Variants in ZNF410 observed in about 807,000 individuals in gnomAD.
The protein encoded by ZNF410 is another partner for ARF 1.
Under a neutral mutation model 54.8 loss-of-function variants are expected in ZNF410, and 18 were observed. The observed-to-expected ratio is 0.33, with a 90% CI of 0.23 to 0.49. The LOEUF (loss-of-function observed/expected upper bound fraction) is 0.49, where lower values mean the gene tolerates loss of function less well. Ranked by LOEUF, ZNF410 falls within the 20% of genes least tolerant of loss-of-function variation. ZNF410 has a pLI of 0.99. For missense variants in ZNF410, 405 were observed against 569.6 expected, an observed-to-expected ratio of 0.71 and a Z score of 2.94; for synonymous variants, 191 against 207.3, an observed-to-expected ratio of 0.92 and a Z score of 0.68.
intron 11 of ZNF410, chr14:73,927,271 G>C: frequency 5.3e-6 from 1 of 189,488 alleles, no homozygotes; most frequent in Non-Finnish European, 1.2e-5. Context: ...TAGAGACGGG[G>C]TTTCACCATG....
At chr14:73,926,873 AT>A (rs1325800117) in intron 11 of ZNF410, among the ~76,000 whole-genome samples, 4 of 152,028 alleles carry the variant, frequency 2.6e-5, no homozygotes, top group Non-Finnish European at 2.9e-5. Context: ...ATTAGATTCA[AT>A]TTTTCCCCCT....
intron 5 of ZNF410, among the ~76,000 whole-genome samples, chr14:73,900,195 C>CAA (rs60950253): frequency 1.6e-5 from 2 of 125,666 alleles, no homozygotes; most frequent in African/African-American, 5.7e-5. Flanking sequence ...CTTGGTCTCC[C>CAA]AAAAAAAAAA....
In ZNF410 at chr14:73,903,746, C is replaced by G. The variant is rs576900340; in HGVS notation, c.581-214C>G. On this transcript the variant is annotated intron_variant, in intron 5 of 11. Transcript: ENST00000555044. Reference sequence around the variant, plus strand: ...GAACACCTGGGCTCAAGCAGTCCTCCCACCTTGGCTTCCCAAAGTGCTTGG... The same window carrying G: ...GAACACCTGGGCTCAAGCAGTCCTCGCACCTTGGCTTCCCAAAGTGCTTGG... 25 of 576,032 alleles carry G rather than the reference C, an allele frequency of 4.3e-5. No individual in the cohort carries two copies. The East Asian group carries it at 7.4e-4, about 17-fold the overall frequency. The allele number at this position is 576,032 out of a possible 1,614,324, so 35.7% of individuals were successfully genotyped here.
rs1340318705 is a variant in ZNF410 at position 73,886,880 on chromosome 14, C to A, written c.-185C>A. 3 of 152,866 alleles carry A rather than the reference C, an allele frequency of 2.0e-5. No homozygotes were observed. Among genetic ancestry groups the A allele is most frequent in the Non-Finnish European group, 2.9e-5 (2 of 68,200 alleles). 9.5% of individuals were successfully genotyped at this position (152,866 alleles called of 1,614,324 possible). ...CGCTGTGTGTGGACGGAATTCGGGA[C>A]CGACTGACGGCCGGCCGGCTTCCCG... is the stretch of plus-strand genomic sequence containing the variant. On this transcript the variant is annotated 5_prime_UTR_variant, in exon 1 of 12. Coordinates refer to ENST00000555044, the MANE Select transcript of ZNF410 (RefSeq NM_021188.3).
intron 5 of ZNF410, chr14:73,902,363 G>A (rs2055421839): frequency 6.6e-6 from 1 of 152,124 alleles, no homozygotes; most frequent in African/African-American, 2.4e-5. Context: ...GTGAGCCACT[G>A]CGCCTGGCCC....
chr14:73,905,964 C>CACAT lies in ZNF410; in HGVS notation c.913+884_913+885insTACA, dbSNP rs1566657584. 7.0e-5 allele frequency among the ~76,000 whole-genome samples: 7 copies of CACAT among 100,636 alleles called. 1 individual carries two copies. The highest frequency in any genetic ancestry group is 3.1e-4 in the African/African-American group (7 of 22,866). The allele number at this position is 100,636 out of a possible 152,430, so 66.0% of individuals were successfully genotyped here. ...ATATATACACACACACACACACACA[C>CACAT]ACACATATATATATATATATATATA... On this transcript the variant is annotated intron_variant, in intron 7 of 11. Transcript: ENST00000555044.
chr14:73,896,617 A>G, intron 4 of ZNF410, 83 bp downstream of exon 4: 1 of 1,060,836 alleles, frequency 9.4e-7, no homozygotes, highest in Middle Eastern at 3.0e-4. Context: ...TCATACTTAA[A>G]ATAGAAAGAA....
chr14:73,920,053 C>T (rs1286419041), intron 8 of ZNF410: 1 of 151,960 alleles, frequency 6.6e-6, no homozygotes, highest in Non-Finnish European at 1.5e-5. Flanking sequence ...CATTTTGCTG[C>T]TGTAATTTTG....
chr14:73,889,748 T>C (rs991776742), intron 1 of ZNF410, among the ~76,000 whole-genome samples: 4 of 151,712 alleles, frequency 2.6e-5, no homozygotes, highest in Non-Finnish European at 5.9e-5. Flanking sequence ...ATACTTTATG[T>C]GGGAAACTTG....
chr14:73,894,194 G>T (rs2055275215), intron 3 of ZNF410, among the ~76,000 whole-genome samples: 2 of 152,148 alleles, frequency 1.3e-5, no homozygotes, highest in Admixed American at 1.3e-4. Context: ...AAGGTACAGG[G>T]TAGGGCAGGA....
Position 73,893,900 on chromosome 14 carries a change from A to C in ZNF410, c.137A>C (p.Glu46Ala). The change falls in exon 3 of 12, where the codon GAA becomes GCA. Residue 46 changes from glutamate to alanine, a missense_variant. Glu to Ala is a moderately radical substitution (Grantham distance 107, BLOSUM62 -1). Coordinates refer to ENST00000555044, the MANE Select transcript of ZNF410 (RefSeq NM_021188.3). Reference sequence around the variant, plus strand: ...TGCTTGTCCCTCCTTCCCGTGACTGAAGCCTCAGAATGCAGTCGGCTAATG... The same window carrying C: ...TGCTTGTCCCTCCTTCCCGTGACTGCAGCCTCAGAATGCAGTCGGCTAATG... The part of the protein sequence containing the change: ...ITCLSLLPVT[E>A]ASECSRLMLP... 6.2e-7 allele frequency: 1 copy of C among 1,613,730 alleles called. No homozygotes were observed. Among genetic ancestry groups the C allele is most frequent in the Non-Finnish European group, 8.5e-7 (1 of 1,179,886 alleles).
intron 5 of ZNF410, among the ~76,000 whole-genome samples, chr14:73,899,011 A>G (rs2055365223): frequency 6.6e-6 from 1 of 152,186 alleles, no homozygotes; most frequent in Non-Finnish European, 1.5e-5. Flanking sequence ...CATGTCATGG[A>G]TACTTTTTTA....
At chr14:73,887,216 G>C (rs2055155562) in intron 1 of ZNF410, 1 of 152,402 alleles carries the variant, frequency 6.6e-6, no homozygotes, top group African/African-American at 2.4e-5. Flanking sequence ...TCCCCGGGGC[G>C]GGGGCTCTTG....
rs764659423 is a variant in ZNF410, at chr14:73,932,510, TGAA to T, written c.*970_*972del. On this transcript the variant is annotated 3_prime_UTR_variant, in exon 12 of 12. Coordinates refer to ENST00000555044, the MANE Select transcript of ZNF410 (RefSeq NM_021188.3). Reference sequence around the variant, plus strand: ...AAATGGCAATAAAAACAGATACTTCTGAATTTTTCCACAAAGATAGTTTTTTTA... The same window carrying T: ...AAATGGCAATAAAAACAGATACTTCTTTTTTCCACAAAGATAGTTTTTTTA... 477 of 447,204 alleles carry T rather than the reference TGAA, an allele frequency of 1.1e-3. No homozygotes were observed. Among genetic ancestry groups the T allele is most frequent in the Non-Finnish European group, 1.7e-3 (381 of 224,884 alleles). 27.7% of individuals were successfully genotyped at this position (447,204 alleles called of 1,614,324 possible). A position where few individuals can be genotyped will look rare whatever the true frequency, so the allele number is the denominator to read the frequency against.
At chr14:73,905,968 CATATATATATAT>C (rs375039083) in intron 7 of ZNF410, among the ~76,000 whole-genome samples, 2 of 78,932 alleles carry the variant, frequency 2.5e-5, no homozygotes, top group Non-Finnish European at 6.0e-5. Context: ...CACACACACA[CATATATATATAT>C]ATATATATAT....
intron 11 of ZNF410, among the ~76,000 whole-genome samples, chr14:73,930,846 C>T (rs1484820229): frequency 2.0e-5 from 3 of 152,178 alleles, no homozygotes; most frequent in Admixed American, 2.0e-4. Flanking sequence ...AGCAGTTCTC[C>T]TGCCTCAGCC....
intron 4 of ZNF410, among the ~76,000 whole-genome samples, chr14:73,896,761 A>G (rs924473357): frequency 7.2e-5 from 11 of 152,168 alleles, no homozygotes; most frequent in African/African-American, 2.2e-4. Flanking sequence ...GAGATCGCAC[A>G]GGAAGAGCAA....
rs1036986115 is a variant in ZNF410 at position 73,931,674 on chromosome 14, C to T, written c.*133C>T. 7.1e-5 allele frequency: 55 copies of T among 770,522 alleles called. No homozygotes were observed. The highest frequency in any genetic ancestry group is 1.1e-4 in the Non-Finnish European group (50 of 458,290). The allele number at this position is 770,522 out of a possible 1,614,324, so 47.7% of individuals were successfully genotyped here. A position where few individuals can be genotyped will look rare whatever the true frequency, so the allele number is the denominator to read the frequency against. ...ACAAGACTCTGCTTTTGCCACTCTT[C>T]CTCTTTCCTGGTATAGAAGATGGAT... On this transcript the variant is annotated 3_prime_UTR_variant, in exon 12 of 12. Coordinates refer to ENST00000555044, the MANE Select transcript of ZNF410 (RefSeq NM_021188.3).
intron 2 of ZNF410, among the ~76,000 whole-genome samples, chr14:73,892,579 G>A (rs974310022): frequency 2.6e-5 from 4 of 151,820 alleles, no homozygotes; most frequent in African/African-American, 9.7e-5. Context: ...ATATATATCT[G>A]TAAGTATTTT....
Sources: allele counts gnomAD v4.1 joint callset (sites outside exome capture counted in the v4.1 genomes callset), GRCh38; gene constraint gnomAD v4.1.1; transcripts MANE v1.5; gene names NCBI Gene and HGNC (gene_info 2026-07-23, HGNC 2026-07-21).